Variants in CFAP70 observed in about 807,000 individuals in gnomAD.
CFAP70 encodes the protein cilia and flagella associated protein 70.
A neutral mutation model predicts 137.6 loss-of-function variants in CFAP70; 81 were observed. That is an observed-to-expected ratio of 0.59 (90% CI 0.49 to 0.71). The LOEUF is 0.71. CFAP70 is among the 30% of genes least tolerant of loss of function. CFAP70 has a pLI of 0.00. For missense variants in CFAP70, 976 were observed against 1,226.7 expected, an observed-to-expected ratio of 0.80 and a Z score of 3.05; for synonymous variants, 382 against 423.6, an observed-to-expected ratio of 0.90 and a Z score of 1.20.
intron 9 of CFAP70, among the ~76,000 whole-genome samples, chr10:73,315,231 A>C (rs1243650700): frequency 1.3e-5 from 2 of 151,900 alleles, no homozygotes; most frequent in African/African-American, 4.8e-5. Flanking sequence ...AAAAAAAAAA[A>C]AAAAACAGCT....
chr10:73,340,049 C>A (rs1267729634), intron 6 of CFAP70, among the ~76,000 whole-genome samples: 1 of 152,222 alleles, frequency 6.6e-6, no homozygotes, highest in Non-Finnish European at 1.5e-5. Context: ...CAAAGAGGTG[C>A]TTTACTGAGC....
chr10:73,306,965 C>T (rs1039388714), intron 12 of CFAP70, among the ~76,000 whole-genome samples: 41 of 150,280 alleles, frequency 2.7e-4, no homozygotes, highest in African/African-American at 8.6e-4. Context: ...CAACTTGTAA[C>T]TCCTCTTTCT....
intron 6 of CFAP70, among the ~76,000 whole-genome samples, chr10:73,339,286 C>T (rs1361546760): frequency 2.6e-5 from 4 of 152,136 alleles, no homozygotes; most frequent in Non-Finnish European, 5.9e-5. Context: ...TTCACAATTT[C>T]CAAGGAAACC....
chr10:73,313,404 A>G (rs1180985710), intron 9 of CFAP70, among the ~76,000 whole-genome samples: 1 of 148,944 alleles, frequency 6.7e-6, no homozygotes, highest in Non-Finnish European at 1.5e-5. Context: ...TCAGCGAGGT[A>G]TGGTGGCACA....
exon 15 of CFAP70, chr10:73,297,050 G>C: frequency 6.2e-7 from 1 of 1,613,458 alleles, no homozygotes; most frequent in Non-Finnish European, 8.5e-7. Context: ...ACCTGGTTTA[G>C]GGCTACATGC....
chr10:73,357,282 C>T (rs1564900092), intron 1 of CFAP70, among the ~76,000 whole-genome samples: 2 of 152,072 alleles, frequency 1.3e-5, no homozygotes, highest in Admixed American at 1.3e-4. Context: ...TGTTATCTTA[C>T]CAGCAGTCAT....
chr10:73,329,992 TAATA>T (rs1433692096), intron 8 of CFAP70, among the ~76,000 whole-genome samples: 1 of 152,222 alleles, frequency 6.6e-6, no homozygotes, highest in African/African-American at 2.4e-5. Context: ...AAGAACATGT[TAATA>T]AATATATTTT....
chr10:73,328,256 T>C (rs1473031724), intron 8 of CFAP70, among the ~76,000 whole-genome samples: 1 of 151,980 alleles, frequency 6.6e-6, no homozygotes, highest in Admixed American at 6.6e-5. Flanking sequence ...CCCTATTTAA[T>C]AAATGGTGCT....
chr10:73,337,121 G>A (rs1019191370), intron 6 of CFAP70, among the ~76,000 whole-genome samples: 4 of 152,112 alleles, frequency 2.6e-5, no homozygotes, highest in Admixed American at 1.3e-4. Context: ...GATGGGGAAC[G>A]AATACATGTA....
chr10:73,320,409 G>C (rs1213459265), intron 9 of CFAP70, among the ~76,000 whole-genome samples: 2 of 151,822 alleles, frequency 1.3e-5, no homozygotes, highest in African/African-American at 4.8e-5. Context: ...CTGCAGCCTT[G>C]ACCTCCTTGG....
At chr10:73,335,329 A>G in intron 7 of CFAP70, 101 bp downstream of exon 8, 2 of 697,960 alleles carry the variant, frequency 2.9e-6, no homozygotes, top group Non-Finnish European at 4.8e-6. Flanking sequence ...CTCAATCTAA[A>G]ATCACCTTAA....
intron 12 of CFAP70, among the ~76,000 whole-genome samples, chr10:73,306,172 A>G (rs897083487): frequency 1.3e-5 from 2 of 152,156 alleles, no homozygotes; most frequent in Middle Eastern, 3.2e-3. Context: ...AAGAAAAGTG[A>G]ACAGAATTTA....
chr10:73,263,159 T>C (rs535717474), intron 25 of CFAP70, among the ~76,000 whole-genome samples: 21 of 152,294 alleles, frequency 1.4e-4, no homozygotes, highest in African/African-American at 4.6e-4. Context: ...TGGAGTGTAG[T>C]GGTGTGAACA....
chr10:73,256,895 T>C, intron 25 of CFAP70, among the ~76,000 whole-genome samples: 2 of 102,390 alleles, frequency 2.0e-5, no homozygotes, highest in African/African-American at 4.0e-5. Flanking sequence ...AGAGTGAGAC[T>C]CCATCTCAAA....
chr10:73,324,934 T>G (rs1344544663), intron 8 of CFAP70, among the ~76,000 whole-genome samples: 1 of 152,176 alleles, frequency 6.6e-6, no homozygotes, highest in Admixed American at 6.5e-5. Context: ...CCAGGAGAAC[T>G]TCCCCAATCT....
intron 19 of CFAP70, 54 bp downstream of exon 20, chr10:73,291,172 A>G: frequency 1.3e-6 from 2 of 1,539,224 alleles, no homozygotes; most frequent in South Asian, 1.1e-5. Context: ...GAGCCACCAC[A>G]CCTGGCAGTA....
In CFAP70 at chr10:73,287,139, C is replaced by A. The variant is rs540574813; in HGVS notation, c.2239+4087G>T. Among the ~76,000 whole-genome samples, 392 of 152,188 alleles carry A rather than the reference C, an allele frequency of 2.6e-3. 2 individuals are homozygous for A. The highest frequency in any genetic ancestry group is 4.2e-3 in the Admixed American group (64 of 15,288). ...ATGGCCAGATTTGGGGGCCTGTTCC[C>A]AACAGTAGTCACTGTGATCAAGAAG... On this transcript the variant is annotated intron_variant, in intron 19 of 26. Transcript: ENST00000310715.
intron 8 of CFAP70, 50 bp downstream of exon 9, chr10:73,331,127 G>T: frequency 7.7e-7 from 1 of 1,297,610 alleles, no homozygotes; most frequent in East Asian, 2.4e-5. Flanking sequence ...TAACAGGTCG[G>T]GTCTGATTCT....
intron 25 of CFAP70, among the ~76,000 whole-genome samples, chr10:73,265,320 C>CAA (rs796977521): frequency 7.0e-5 from 6 of 85,918 alleles, no homozygotes; most frequent in African/African-American, 1.2e-4. Flanking sequence ...GACTCCATCT[C>CAA]AAAAAAAAAA....
Sources: gnomAD v4.1 joint callset for allele counts (sites outside exome capture counted in the v4.1 genomes callset) on GRCh38, gnomAD v4.1.1 for gene constraint, MANE v1.5 for transcripts, NCBI Gene and HGNC (gene_info 2026-07-23, HGNC 2026-07-21) for gene names.